VPS41: variants seen among roughly 807,000 people sequenced by gnomAD.
The protein encoded by VPS41 is vacuolar protein sorting-associated protein 41 homolog.
A neutral mutation model predicts 130.9 loss-of-function variants in VPS41; 85 were observed. That is an observed-to-expected ratio of 0.65 (90% CI 0.55 to 0.78). The LOEUF is 0.78. Ranked by LOEUF, VPS41 falls within the 30% of genes least tolerant of loss-of-function variation. The probability of loss-of-function intolerance (pLI) is 0.00; values close to 1 mark genes in which losing one functional copy is unlikely to be tolerated. For synonymous variants in VPS41, 335 were observed against 332.9 expected (o/e 1.01, Z -0.07); for missense variants, 874 against 1,018.7 (o/e 0.86, Z 1.93).
In VPS41 at chr7:38,743,455, T is replaced by C; in HGVS notation, c.2069A>G (p.Gln690Arg). 6.2e-7 allele frequency: 1 copy of C among 1,614,068 alleles called. No homozygotes were observed. The highest frequency in any genetic ancestry group is 8.5e-7 in the Non-Finnish European group (1 of 1,179,914). ...VDKAIEFAKE[Q>R]DDGELWEDLI... The stretch of plus-strand genomic sequence containing the variant: ...ATCTTCCCACAGCTCTCCATCATCT[T>C]GCTCCTTGGCAAATTCGATTGCTTT... Residue 690 changes from glutamine (Q) to arginine (R), a missense_variant, in exon 24 of 29, where the codon CAA becomes CGA. Coordinates refer to ENST00000310301, the MANE Select transcript of VPS41 (RefSeq NM_014396.4).
chr7:38,814,527 G>A (rs1785001364), intron 7 of VPS41, among the ~76,000 whole-genome samples: 2 of 152,120 alleles, frequency 1.3e-5, no homozygotes, highest in African/African-American at 4.8e-5. Context: ...GCAGGCGCCT[G>A]TAGTCCCAGC....
chr7:38,890,652 G>T (rs893448865), intron 2 of VPS41, among the ~76,000 whole-genome samples: 2 of 152,068 alleles, frequency 1.3e-5, no homozygotes, highest in African/African-American at 2.4e-5. Flanking sequence ...TGGAAAGCGG[G>T]TGAAGGATAT....
intron 22 of VPS41, among the ~76,000 whole-genome samples, chr7:38,749,988 G>A (rs928308368): frequency 3.3e-5 from 5 of 152,090 alleles, no homozygotes; most frequent in African/African-American, 9.7e-5. Context: ...TCAGCTTCCT[G>A]AGTAGCTATG....
At chr7:38,764,598 G>A (rs577987852) in intron 16 of VPS41, among the ~76,000 whole-genome samples, 5 of 151,944 alleles carry the variant, frequency 3.3e-5, no homozygotes, top group Non-Finnish European at 7.4e-5. Flanking sequence ...CAGGGGAAGA[G>A]AAGAGCCCCG....
At chr7:38,772,321 C>A (rs184424029) in intron 13 of VPS41, among the ~76,000 whole-genome samples, 14 of 152,282 alleles carry the variant, frequency 9.2e-5, no homozygotes, top group Admixed American at 6.5e-4. Flanking sequence ...CCCCACTTAA[C>A]AGGAAAGCCA....
chr7:38,769,700 C>T (rs981886934), intron 14 of VPS41, among the ~76,000 whole-genome samples: 1 of 152,246 alleles, frequency 6.6e-6, no homozygotes, highest in South Asian at 2.1e-4. Flanking sequence ...TACCACATCC[C>T]AAAGATTAAA....
Position 38,859,891 on chromosome 7 carries a change from G to T in VPS41, c.246+2654C>A, listed in dbSNP as rs572106830. 3.3e-5 allele frequency among the ~76,000 whole-genome samples: 5 copies of T among 152,228 alleles called. No individual in the cohort carries two copies. The East Asian group carries it at 9.6e-4, about 29-fold the overall frequency. On this transcript the variant is annotated intron_variant, in intron 4 of 28. Coordinates refer to ENST00000310301, the MANE Select transcript of VPS41 (RefSeq NM_014396.4). ...AAAATTGCTTTAGCAATTAAGTTTT[G>T]AGTTAACATAAAGCTATATCTAGAA... is the stretch of plus-strand genomic sequence containing the variant.
At chr7:38,827,077 C>T (rs1230018918) in intron 5 of VPS41, among the ~76,000 whole-genome samples, 1 of 152,148 alleles carries the variant, frequency 6.6e-6, no homozygotes, top group African/African-American at 2.4e-5. Flanking sequence ...TTCGGCCTCC[C>T]AAAGTGCTGG....
intron 4 of VPS41, among the ~76,000 whole-genome samples, chr7:38,853,320 G>A (rs982332374): frequency 6.6e-6 from 1 of 151,312 alleles, no homozygotes; most frequent in Non-Finnish European, 1.5e-5. Flanking sequence ...TTGGGAGGCT[G>A]AGGCAGGAGA....
At chr7:38,893,801 T>C (rs1401993341) in intron 2 of VPS41, among the ~76,000 whole-genome samples, 2 of 152,256 alleles carry the variant, frequency 1.3e-5, no homozygotes, top group Non-Finnish European at 2.9e-5. Context: ...TATTGACATG[T>C]ACACCACTTT....
intron 19 of VPS41, among the ~76,000 whole-genome samples, chr7:38,755,814 G>C (rs1783778333): frequency 1.3e-5 from 2 of 152,094 alleles, no homozygotes; most frequent in South Asian, 4.1e-4. Flanking sequence ...TGCATGAGGG[G>C]AGACTAGATA....
At chr7:38,856,918 G>C (rs969762748) in intron 4 of VPS41, among the ~76,000 whole-genome samples, 3 of 152,162 alleles carry the variant, frequency 2.0e-5, no homozygotes, top group Non-Finnish European at 4.4e-5. Context: ...ACTAGAGAGG[G>C]AAGAAATTAA....
intron 25 of VPS41, among the ~76,000 whole-genome samples, chr7:38,740,303 A>G (rs1795855884): frequency 6.6e-6 from 1 of 152,166 alleles, no homozygotes; most frequent in African/African-American, 2.4e-5. Flanking sequence ...GGTCATTATC[A>G]AGCTCACTCA....
At position 38,773,781 on chromosome 7, in the gene VPS41, A is replaced by T. The variant is rs553569319; in HGVS notation, c.1012+334T>A. ...TTTCCTGACACATAAAATGGGAGTG[A>T]TATGACAACCATGGAGCCATGCAGC... is the stretch of plus-strand genomic sequence containing the variant. On this transcript the variant is annotated intron_variant, in intron 12 of 28. Coordinates refer to ENST00000310301, the MANE Select transcript of VPS41 (RefSeq NM_014396.4). 2.6e-4 allele frequency among the ~76,000 whole-genome samples: 40 copies of T among 152,290 alleles called. No homozygotes were observed. The South Asian group carries it at 8.1e-3, about 31-fold the overall frequency.
At chr7:38,905,952 C>A (rs1787251323) in intron 1 of VPS41, among the ~76,000 whole-genome samples, 1 of 151,916 alleles carries the variant, frequency 6.6e-6, no homozygotes, top group Admixed American at 6.6e-5. Flanking sequence ...CACCACCATG[C>A]CTGACTAATT....
Position 38,886,299 on chromosome 7 carries a change from T to C in VPS41, c.60+11792A>G, listed in dbSNP as rs1259226160. On this transcript the variant is annotated intron_variant, in intron 2 of 28. Transcript: ENST00000310301. ...GAGGAACGGTATACTCCTGCCCAAA[T>C]ACTGTGCTTTTCCCACGGTCTTTGC... 3.3e-5 allele frequency among the ~76,000 whole-genome samples: 5 copies of C among 152,190 alleles called. No individual in the cohort carries two copies. The East Asian group carries it at 9.7e-4, about 29-fold the overall frequency.
intron 11 of VPS41, among the ~76,000 whole-genome samples, chr7:38,774,830 T>C (rs1784227513): frequency 6.6e-6 from 1 of 152,114 alleles, no homozygotes; most frequent in South Asian, 2.1e-4. Context: ...CCCAGCACAA[T>C]TTCTAACACA....
intron 4 of VPS41, among the ~76,000 whole-genome samples, chr7:38,851,423 G>A (rs903602863): frequency 3.9e-5 from 6 of 152,188 alleles, no homozygotes; most frequent in African/African-American, 1.4e-4. Context: ...GTTATAATAT[G>A]TAGCCTTTTG....
intron 2 of VPS41, among the ~76,000 whole-genome samples, chr7:38,890,952 G>A (rs890814283): frequency 6.6e-6 from 1 of 151,934 alleles, no homozygotes; most frequent in Non-Finnish European, 1.5e-5. Flanking sequence ...TCCCACCTCT[G>A]TGTTATTTCT....
Sources: gnomAD v4.1 joint callset for allele counts (sites outside exome capture counted in the v4.1 genomes callset) on GRCh38, gnomAD v4.1.1 for gene constraint, MANE v1.5 for transcripts, NCBI Gene and HGNC (gene_info 2026-07-23, HGNC 2026-07-21) for gene names.